Variants in VAV3 observed in about 807,000 individuals in gnomAD.
VAV3 encodes the protein vav guanine nucleotide exchange factor 3, also known as guanine nucleotide exchange factor VAV3.
A neutral mutation model predicts 131.2 loss-of-function variants in VAV3; 94 were observed. That is an observed-to-expected ratio of 0.72 (90% CI 0.61 to 0.85). VAV3 has a LOEUF of 0.85. VAV3 is among the 40% of genes least tolerant of loss of function. The probability of loss-of-function intolerance (pLI) is 0.00; values close to 1 mark genes in which losing one functional copy is unlikely to be tolerated. For synonymous variants in VAV3, 349 were observed against 342.0 expected (o/e 1.02, Z -0.22); for missense variants, 939 against 1,002.7 (o/e 0.94, Z 0.86).
intron 9 of VAV3, among the ~76,000 whole-genome samples, chr1:107,764,368 G>A (rs1329832888): frequency 6.6e-6 from 1 of 152,124 alleles, no homozygotes; most frequent in Admixed American, 6.6e-5. Flanking sequence ...ACTGAAGTGG[G>A]TAGATTCAGT....
chr1:107,861,508 A>G (rs1027994427), intron 2 of VAV3, among the ~76,000 whole-genome samples: 1 of 151,622 alleles, frequency 6.6e-6, no homozygotes, highest in African/African-American at 2.4e-5. Context: ...CTTTATAGAT[A>G]TAAGGAGCAG....
At chr1:107,906,341 T>C (rs933168294) in intron 1 of VAV3, among the ~76,000 whole-genome samples, 2 of 152,170 alleles carry the variant, frequency 1.3e-5, no homozygotes, top group Non-Finnish European at 2.9e-5. Context: ...CATGTCAACA[T>C]AAGCTTCACA....
chr1:107,737,609 C>T (rs1291567628), intron 15 of VAV3, among the ~76,000 whole-genome samples: 4 of 152,204 alleles, frequency 2.6e-5, no homozygotes, highest in African/African-American at 9.6e-5. Flanking sequence ...AAAAAATGCT[C>T]ATCATCACTG....
At chr1:107,578,660 G>C (rs921306841) in intron 25 of VAV3, 1 of 361,272 alleles carries the variant, frequency 2.8e-6, no homozygotes, top group Non-Finnish European at 3.9e-6. Flanking sequence ...CCAGTTTGGA[G>C]TGCAGTTACA....
intron 19 of VAV3, among the ~76,000 whole-genome samples, chr1:107,648,060 C>A (rs531672192): frequency 2.6e-5 from 4 of 152,124 alleles, no homozygotes; most frequent in African/African-American, 9.6e-5. Flanking sequence ...CAGAAGCAGG[C>A]AATTTGGTGG....
At chr1:107,790,496 T>C (rs939666419) in intron 2 of VAV3, among the ~76,000 whole-genome samples, 1 of 152,154 alleles carries the variant, frequency 6.6e-6, no homozygotes, top group Non-Finnish European at 1.5e-5. Flanking sequence ...TGGCACACAG[T>C]GCCAGAGGAG....
chr1:107,608,648 A>C (rs1652485713), intron 22 of VAV3, among the ~76,000 whole-genome samples: 1 of 152,232 alleles, frequency 6.6e-6, no homozygotes, highest in South Asian at 2.1e-4. Flanking sequence ...CAGAAGGCAG[A>C]GTGACTGCCA....
At chr1:107,964,625 G>C in intron 1 of VAV3, 41 bp downstream of exon 1, 2 of 1,593,856 alleles carry the variant, frequency 1.3e-6, no homozygotes, top group Non-Finnish European at 1.7e-6. Context: ...ATTAATGGGA[G>C]CTGCCGGCTG....
chr1:107,886,619 T>C (rs1000825194), intron 1 of VAV3, among the ~76,000 whole-genome samples: 37 of 152,350 alleles, frequency 2.4e-4, no homozygotes, highest in Non-Finnish European at 5.1e-4. Context: ...AGGTTTTGTA[T>C]AGTGGGTAGT....
intron 10 of VAV3, among the ~76,000 whole-genome samples, chr1:107,759,111 C>T (rs905525575): frequency 1.3e-5 from 2 of 152,248 alleles, no homozygotes; most frequent in Non-Finnish European, 1.5e-5. Context: ...TTATACTTGG[C>T]AGCTTATACT....
At chr1:107,650,602 A>C (rs904417242) in intron 19 of VAV3, among the ~76,000 whole-genome samples, 2 of 150,992 alleles carry the variant, frequency 1.3e-5, no homozygotes, top group African/African-American at 4.9e-5. Context: ...GCACATGTGC[A>C]CAATGTGCAG....
chr1:107,938,871 T>G (rs1395900988), intron 1 of VAV3, among the ~76,000 whole-genome samples: 2 of 152,242 alleles, frequency 1.3e-5, no homozygotes, highest in African/African-American at 2.4e-5. Context: ...GACCATAACC[T>G]ACTCTTGTAC....
intron 12 of VAV3, among the ~76,000 whole-genome samples, chr1:107,752,773 T>C (rs1570896931): frequency 1.3e-5 from 2 of 152,224 alleles, no homozygotes; most frequent in Non-Finnish European, 2.9e-5. Flanking sequence ...ACCATTAAGA[T>C]GGCTGTTACC....
intron 15 of VAV3, among the ~76,000 whole-genome samples, chr1:107,737,979 G>T (rs1046540952): frequency 6.6e-6 from 1 of 152,188 alleles, no homozygotes; most frequent in Admixed American, 6.5e-5. Context: ...TGATAGACTG[G>T]ATTAAGAGAA....
chr1:107,694,807 G>T (rs1453642297), intron 17 of VAV3, among the ~76,000 whole-genome samples: 1 of 152,114 alleles, frequency 6.6e-6, no homozygotes, highest in Non-Finnish European at 1.5e-5. Flanking sequence ...ACTTCCTTGA[G>T]GTCAAAACAC....
chr1:107,963,091 G>T (rs1186913915), intron 1 of VAV3, among the ~76,000 whole-genome samples: 1 of 152,140 alleles, frequency 6.6e-6, no homozygotes, highest in Non-Finnish European at 1.5e-5. Context: ...TTCAAATAAA[G>T]GCTTCGAGGT....
chr1:107,636,821 T>C (rs2101454910), intron 20 of VAV3, among the ~76,000 whole-genome samples: 2 of 152,228 alleles, frequency 1.3e-5, no homozygotes, highest in East Asian at 3.9e-4. Flanking sequence ...TTTGCAAAAT[T>C]TTGGGAAGGC....
chr1:107,652,102 C>T (rs1041744087), intron 19 of VAV3, among the ~76,000 whole-genome samples: 11 of 152,058 alleles, frequency 7.2e-5, no homozygotes, highest in African/African-American at 2.2e-4. Context: ...TCACAGGATA[C>T]GCTAGGAGGT....
At chr1:107,751,686 C>T (rs374187237) in intron 12 of VAV3, among the ~76,000 whole-genome samples, 20 of 151,770 alleles carry the variant, frequency 1.3e-4, no homozygotes, top group East Asian at 3.9e-4. Context: ...GGGGGGCGCG[C>T]GCTAATTTGG....
Sources: allele counts gnomAD v4.1 joint callset (sites outside exome capture counted in the v4.1 genomes callset), GRCh38; gene constraint gnomAD v4.1.1; transcripts MANE v1.5; gene names NCBI Gene and HGNC (gene_info 2026-07-23, HGNC 2026-07-21).